Variants in LGR4 observed in about 807,000 individuals in gnomAD.
LGR4 encodes the protein leucine-rich repeat-containing G protein-coupled receptor 4.
In LGR4, 44 loss-of-function variants were observed where a neutral mutation model predicts 84.8. The ratio of observed to expected loss-of-function variants is 0.52; its 90% CI spans 0.41 to 0.67. The LOEUF (loss-of-function observed/expected upper bound fraction) is 0.67, where lower values mean the gene tolerates loss of function less well. Among genes scored for constraint, LGR4 ranks in the 30% least tolerant of loss-of-function variants. LGR4 has a pLI of 0.00. For synonymous variants in LGR4, 429 were observed against 434.3 expected, an observed-to-expected ratio of 0.99 and a Z score of 0.15; for missense variants, 1,032 against 1,131.4, an observed-to-expected ratio of 0.91 and a Z score of 1.26.
intron 1 of LGR4, among the ~76,000 whole-genome samples, chr11:27,441,740 A>C (rs1002950565): frequency 6.6e-6 from 1 of 152,176 alleles, no homozygotes; most frequent in African/African-American, 2.4e-5. Flanking sequence ...GCTGAAGTGG[A>C]GTTGAGACAG....
chr11:27,472,002 G>T, intron 1 of LGR4, 116 bp downstream of exon 1: 1 of 706,900 alleles, frequency 1.4e-6, no homozygotes, highest in Non-Finnish European at 1.9e-6. Context: ...CCCTCCCCAG[G>T]CCCGGGCGGC....
At position 27,472,402 on chromosome 11, in the gene LGR4, G is replaced by C; in HGVS notation, c.-100C>G. 1.0e-6 allele frequency: 1 copy of C among 969,296 alleles called. No individual in the cohort carries two copies. The highest frequency in any genetic ancestry group is 1.3e-6 in the Non-Finnish European group (1 of 755,842). 60.0% of individuals were successfully genotyped at this position (969,296 alleles called of 1,614,324 possible). ...CCCCGGGCAGCCGGCCTGCGGGCTGGAGCGGGGGTCTCTTCCTCGGCGGTC... is the reference window on the plus strand; with the variant it reads ...CCCCGGGCAGCCGGCCTGCGGGCTGCAGCGGGGGTCTCTTCCTCGGCGGTC... On this transcript the variant is annotated 5_prime_UTR_variant, in exon 1 of 18. Coordinates refer to ENST00000379214, the MANE Select transcript of LGR4 (RefSeq NM_018490.5).
intron 1 of LGR4, among the ~76,000 whole-genome samples, chr11:27,467,390 A>C (rs1590417368): frequency 6.6e-6 from 1 of 151,618 alleles, no homozygotes; most frequent in Non-Finnish European, 1.5e-5. Flanking sequence ...AGATGGTAAA[A>C]CCCCGACTCT....
intron 1 of LGR4, among the ~76,000 whole-genome samples, chr11:27,419,899 A>T (rs1010319627): frequency 1.3e-5 from 2 of 152,010 alleles, no homozygotes; most frequent in African/African-American, 4.8e-5. Flanking sequence ...AGACACAGAA[A>T]ATTGATCAGT....
At chr11:27,434,389 CA>C (rs1864171146) in intron 1 of LGR4, among the ~76,000 whole-genome samples, 2 of 152,130 alleles carry the variant, frequency 1.3e-5, no homozygotes, top group Non-Finnish European at 2.9e-5. Context: ...CTAATAATTC[CA>C]AAATGTTTAA....
intron 5 of LGR4, among the ~76,000 whole-genome samples, chr11:27,384,900 C>T (rs553572076): frequency 8.5e-4 from 129 of 152,208 alleles, no homozygotes; most frequent in African/African-American, 2.7e-3. Flanking sequence ...GTGGAAAACA[C>T]GAAATATCCC....
intron 1 of LGR4, among the ~76,000 whole-genome samples, chr11:27,432,616 A>G (rs1316336655): frequency 6.6e-6 from 1 of 152,178 alleles, no homozygotes; most frequent in African/African-American, 2.4e-5. Context: ...AGCAGCAAAT[A>G]TTTTAGAATT....
intron 1 of LGR4, among the ~76,000 whole-genome samples, chr11:27,449,125 G>GAGAACAT (rs1313557924): frequency 1.3e-5 from 2 of 152,098 alleles, no homozygotes; most frequent in Non-Finnish European, 2.9e-5. Context: ...AGAACATGCT[G>GAGAACAT]CCCATCATCA....
chr11:27,376,446 G>A, intron 12 of LGR4, 76 bp from the exon 13 acceptor site: 4 of 683,558 alleles, frequency 5.9e-6, no homozygotes, highest in South Asian at 2.5e-5. Context: ...AAAGAGAAAG[G>A]GATAGAGAAA....
At position 27,366,034 on chromosome 11, in the gene LGR4, T is replaced by G. The variant is rs530374267; in HGVS notation, c.*1833A>C. 2.2e-4 allele frequency: 33 copies of G among 152,526 alleles called. No individual in the cohort carries two copies. The highest frequency in any genetic ancestry group is 4.4e-4 in the Non-Finnish European group (30 of 67,974). The allele number at this position is 152,526 out of a possible 1,614,324, so 9.4% of individuals were successfully genotyped here. On this transcript the variant is annotated 3_prime_UTR_variant, in exon 18 of 18. Transcript: ENST00000379214. ...ATTTCATACCATATAGCACAAAGAT[T>G]AACACTTTTATATATCTGTTATTCT...
chr11:27,380,830 T>C, intron 8 of LGR4, 65 bp downstream of exon 8: 4 of 1,197,130 alleles, frequency 3.3e-6, no homozygotes, highest in Non-Finnish European at 5.0e-6. Context: ...TATCAGGGTG[T>C]TTGGCATTGT....
At chr11:27,410,610 T>C (rs1316783003) in intron 2 of LGR4, among the ~76,000 whole-genome samples, 3 of 152,132 alleles carry the variant, frequency 2.0e-5, no homozygotes, top group Non-Finnish European at 4.4e-5. Flanking sequence ...GGAAAAAGCA[T>C]AGGCTTTTTA....
chr11:27,426,711 T>C (rs1236641172), intron 1 of LGR4, among the ~76,000 whole-genome samples: 1 of 152,136 alleles, frequency 6.6e-6, no homozygotes, highest in Non-Finnish European at 1.5e-5. Context: ...ACCACCAACA[T>C]GCAATCACCA....
At position 27,368,486 on chromosome 11, in the gene LGR4, A is replaced by G. The variant is rs758290426; in HGVS notation, c.2237T>C (p.Ile746Thr). 2 of 1,614,240 alleles carry G rather than the reference A, an allele frequency of 1.2e-6. No homozygotes were observed. The highest frequency in any genetic ancestry group is 1.7e-6 in the Non-Finnish European group (2 of 1,180,040). Reference protein sequence around the residue: ...DLSENSQSSMIKHVAWLIFTN... With the variant: ...DLSENSQSSMTKHVAWLIFTN... ...GAAGATTAGCCAAGCGACATGCTTA[A>G]TCATGCTAGATTGTGAGTTTTCTGA... The change falls in exon 18 of 18, where the codon ATT becomes ACT. Residue 746 changes from isoleucine (I) to threonine (T), a missense_variant. Coordinates refer to ENST00000379214, the MANE Select transcript of LGR4 (RefSeq NM_018490.5).
At chr11:27,384,249 C>G in intron 6 of LGR4, 87 bp downstream of exon 6, 1 of 822,096 alleles carries the variant, frequency 1.2e-6, no homozygotes, top group Non-Finnish European at 2.0e-6. Flanking sequence ...GAACTTAAGG[C>G]CAATATTTTT....
At chr11:27,471,097 G>T (rs1015337252) in intron 1 of LGR4, among the ~76,000 whole-genome samples, 3 of 152,042 alleles carry the variant, frequency 2.0e-5, no homozygotes, top group African/African-American at 7.2e-5. Flanking sequence ...GAAGCAATAA[G>T]AACACAAAAA....
intron 2 of LGR4, among the ~76,000 whole-genome samples, chr11:27,397,288 CCTTT>C (rs887107538): frequency 6.6e-6 from 1 of 152,176 alleles, no homozygotes; most frequent in African/African-American, 2.4e-5. Context: ...ATATCACCTT[CCTTT>C]GATTCCACGG....
chr11:27,431,094 C>T (rs1864109405), intron 1 of LGR4, among the ~76,000 whole-genome samples: 1 of 152,086 alleles, frequency 6.6e-6, no homozygotes, highest in South Asian at 2.1e-4. Context: ...TATTACCAAC[C>T]AGTTTATTTC....
chr11:27,458,375 T>C (rs1190176523), intron 1 of LGR4, among the ~76,000 whole-genome samples: 1 of 152,056 alleles, frequency 6.6e-6, no homozygotes, highest in Non-Finnish European at 1.5e-5. Flanking sequence ...TGGAAATTCA[T>C]CAAGTGAAGA....
Sources: gnomAD v4.1 joint callset for allele counts (sites outside exome capture counted in the v4.1 genomes callset) on GRCh38, gnomAD v4.1.1 for gene constraint, MANE v1.5 for transcripts, NCBI Gene and HGNC (gene_info 2026-07-23, HGNC 2026-07-21) for gene names.